PDGFRA: variants seen among roughly 807,000 people sequenced by gnomAD.
PDGFRA encodes platelet-derived growth factor receptor alpha.
PDGFRA carries 25 observed loss-of-function variants against 121.5 expected under a neutral mutation model. The observed-to-expected ratio is 0.21, with a 90% CI of 0.15 to 0.29. PDGFRA has a LOEUF of 0.29. PDGFRA is among the 10% of genes least tolerant of loss of function. PDGFRA has a pLI of 1.00. For synonymous variants in PDGFRA, 463 were observed against 494.8 expected (o/e 0.94, Z 0.85); for missense variants, 1,008 against 1,345.1 (o/e 0.75, Z 3.92).
Position 54,264,964 on chromosome 4 carries a change from A to G in PDGFRA, c.674A>G (p.Tyr225Cys), listed in dbSNP as rs878854831. ...DLEMEALKTV[Y>C]KSGETIVVTC... ...GAAATGGAAGCTCTTAAAACCGTGT[A>G]TAAGTCAGGGGAAACGATTGTGGTC... Residue 225 changes from tyrosine (Y) to cysteine (C), a missense_variant, in exon 5 of 23, where the codon TAT becomes TGT. Physicochemically the swap from Tyr to Cys is radical, Grantham distance 194. Transcript: ENST00000257290. The G allele has an allele frequency of 1.2e-6, 2 of 1,613,348 alleles. No homozygotes were observed. Among genetic ancestry groups the G allele is most frequent in the Non-Finnish European group, 1.7e-6 (2 of 1,179,382 alleles).
In PDGFRA at chr4:54,283,213, G is replaced by A. The variant is rs1021019984; in HGVS notation, c.2324-2158G>A. Among the ~76,000 whole-genome samples, 13 of 152,320 alleles carry A rather than the reference G, an allele frequency of 8.5e-5. 1 individual carries two copies. Among genetic ancestry groups the A allele is most frequent in the African/African-American group, 2.6e-4 (11 of 41,568 alleles). On this transcript the variant is annotated intron_variant, in intron 16 of 22. Transcript: ENST00000257290. ...CAACCCCACATTTCCCCTCTGCAGT[G>A]CCCTAGTAGAGGTTCTCTGTGAGGG...
At chr4:54,286,658 G>A (rs956560757) in intron 18 of PDGFRA, among the ~76,000 whole-genome samples, 22 of 152,128 alleles carry the variant, frequency 1.4e-4, no homozygotes, top group Non-Finnish European at 3.1e-4. Flanking sequence ...CATCTGGCAA[G>A]TGTTAGCTAT....
At chr4:54,260,025 T>C (rs1722600790) in intron 2 of PDGFRA, among the ~76,000 whole-genome samples, 1 of 152,194 alleles carries the variant, frequency 6.6e-6, no homozygotes, top group South Asian at 2.1e-4. Flanking sequence ...GTTCCTTTGC[T>C]GCATTGCACT....
chr4:54,267,709 C>T lies in PDGFRA; in HGVS notation c.1089C>T (p.Ile363=), dbSNP rs2110267512. The part of the protein sequence containing the change: ...NLTLIENLTE[I]TTDVEKIQEI... ...CTCTGATTGAAAATCTCACTGAGAT[C>T]ACCACTGATGTGGAAAAGATTCAGG... The change falls in exon 7 of 23, where the codon ATC becomes ATT. Residue 363 remains isoleucine (I), a synonymous_variant. Transcript: ENST00000257290. The T allele has an allele frequency of 6.2e-7, 1 of 1,614,038 alleles. No homozygotes were observed. The highest frequency in any genetic ancestry group is 1.7e-5 in the Admixed American group (1 of 60,014).
At chr4:54,256,768 T>C (rs1357511380) in intron 1 of PDGFRA, among the ~76,000 whole-genome samples, 2 of 151,816 alleles carry the variant, frequency 1.3e-5, no homozygotes, top group African/African-American at 4.8e-5. Flanking sequence ...ATCCCAGCAC[T>C]TTGGGAGGCC....
chr4:54,248,588 C>T (rs28790329), intron 1 of PDGFRA, among the ~76,000 whole-genome samples: 30 of 152,182 alleles, frequency 2.0e-4, no homozygotes, highest in African/African-American at 5.5e-4. Context: ...AAGACTTAAA[C>T]GTTAGACCTA....
chr4:54,232,052 GCAGACCCCA>G (rs1412475002), intron 1 of PDGFRA, among the ~76,000 whole-genome samples: 1 of 152,244 alleles, frequency 6.6e-6, no homozygotes, highest in Non-Finnish European at 1.5e-5. Flanking sequence ...GCGCCTTCCT[GCAGACCCCA>G]CAGGGAAGTA....
At chr4:54,291,803 A>G (rs951343831) in intron 22 of PDGFRA, among the ~76,000 whole-genome samples, 1 of 152,088 alleles carries the variant, frequency 6.6e-6, no homozygotes, top group Admixed American at 6.6e-5. Flanking sequence ...AATATAAATC[A>G]TTCTACCATA....
At chr4:54,294,641 G>A (rs1466377999) in intron 22 of PDGFRA, among the ~76,000 whole-genome samples, 1 of 151,924 alleles carries the variant, frequency 6.6e-6, no homozygotes. Flanking sequence ...GGGGGTTGGT[G>A]GGGGGGCATT....
rs190405032 is a variant in PDGFRA at position 54,262,674 on chromosome 4, C to T, written c.368-993C>T. On this transcript the variant is annotated intron_variant, in intron 3 of 22. Transcript: ENST00000257290. The stretch of plus-strand genomic sequence containing the variant: ...TATTCATATGAACCTTCCTTCTTAA[C>T]AATTAAAAAAAACCAAAAACTTTGT... 5.3e-5 allele frequency among the ~76,000 whole-genome samples: 8 copies of T among 152,008 alleles called. No individual in the cohort carries two copies. The East Asian group carries it at 1.4e-3, about 26-fold the overall frequency.
intron 1 of PDGFRA, among the ~76,000 whole-genome samples, chr4:54,247,085 C>G (rs1211034217): frequency 6.6e-6 from 1 of 152,118 alleles, no homozygotes; most frequent in Admixed American, 6.6e-5. Context: ...CAGTAGCTTA[C>G]CAACCAAAAA....
chr4:54,258,887 GTT>G, intron 2 of PDGFRA, 70 bp downstream of exon 2: 1 of 1,236,416 alleles, frequency 8.1e-7, no homozygotes, highest in South Asian at 1.2e-5. Flanking sequence ...TGCTGCATGG[GTT>G]TATTACCAGT....
intron 18 of PDGFRA, 53 bp downstream of exon 18, chr4:54,286,016 C>G (rs1459742164): frequency 1.3e-6 from 2 of 1,578,446 alleles, no homozygotes; most frequent in Non-Finnish European, 1.7e-6. Flanking sequence ...ACTTTAATCT[C>G]TAAAGTCAGG....
At chr4:54,249,094 A>C (rs1000534141) in intron 1 of PDGFRA, among the ~76,000 whole-genome samples, 1 of 152,184 alleles carries the variant, frequency 6.6e-6, no homozygotes, top group Non-Finnish European at 1.5e-5. Context: ...GATGTGGAGA[A>C]ATAGGAACAC....
intron 1 of PDGFRA, among the ~76,000 whole-genome samples, chr4:54,248,318 C>T (rs1251814586): frequency 2.6e-5 from 4 of 152,204 alleles, no homozygotes; most frequent in African/African-American, 9.6e-5. Context: ...TCAAACTATA[C>T]TACAAAGCTA....
intron 22 of PDGFRA, among the ~76,000 whole-genome samples, chr4:54,294,740 A>T (rs1251236495): frequency 6.6e-6 from 1 of 152,140 alleles, no homozygotes; most frequent in African/African-American, 2.4e-5. Flanking sequence ...GGCTTCCGGG[A>T]GAGCACCTGA....
At chr4:54,295,023 C>G in intron 22 of PDGFRA, 102 bp from the exon 23 acceptor site, 2 of 1,253,850 alleles carry the variant, frequency 1.6e-6, no homozygotes, top group Non-Finnish European at 2.3e-6. Context: ...CTGTGCAGCC[C>G]AAATTTGAAT....
chr4:54,263,557 G>A (rs1251412448), intron 3 of PDGFRA, 110 bp from the exon 4 acceptor site: 2 of 1,035,186 alleles, frequency 1.9e-6, no homozygotes, highest in Non-Finnish European at 3.1e-6. Context: ...TATGTGTAAA[G>A]GTGAACTTCA....
In PDGFRA at chr4:54,297,040, T is replaced by C; in HGVS notation, c.*1768T>C. On this transcript the variant is annotated 3_prime_UTR_variant, in exon 23 of 23. Coordinates refer to ENST00000257290, the MANE Select transcript of PDGFRA (RefSeq NM_006206.6). ...CGCCAAGGAAAGGCATGTACAAAAA[T>C]TATGCAATTCAGTGTTCCAAGTCTC... 1 of 233,162 alleles carries C rather than the reference T, an allele frequency of 4.3e-6. No individual in the cohort carries two copies. The highest frequency in any genetic ancestry group is 6.0e-5 in the East Asian group (1 of 16,582). The allele number at this position is 233,162 out of a possible 1,614,324, so 14.4% of individuals were successfully genotyped here.
Sources: gnomAD v4.1 joint callset for allele counts (sites outside exome capture counted in the v4.1 genomes callset) on GRCh38, gnomAD v4.1.1 for gene constraint, MANE v1.5 for transcripts, NCBI Gene and HGNC (gene_info 2026-07-23, HGNC 2026-07-21) for gene names.